Variants in SRPK2 observed in about 807,000 individuals in gnomAD.
SRPK2 encodes SRSF protein kinase 2, also known as SFRS protein kinase 2.
A neutral mutation model predicts 90.8 loss-of-function variants in SRPK2; 21 were observed. That is an observed-to-expected ratio of 0.23 (90% CI 0.16 to 0.33). SRPK2 has a LOEUF of 0.33. Ranked by LOEUF, SRPK2 falls within the 10% of genes least tolerant of loss-of-function variation. The pLI, the probability that SRPK2 is intolerant of heterozygous loss-of-function variation, is 1.00. For missense variants in SRPK2, 620 were observed against 869.0 expected, an observed-to-expected ratio of 0.71 and a Z score of 3.60; for synonymous variants, 288 against 311.1, an observed-to-expected ratio of 0.93 and a Z score of 0.78.
intron 2 of SRPK2, among the ~76,000 whole-genome samples, chr7:105,327,949 C>T (rs1813784096): frequency 6.6e-6 from 1 of 152,150 alleles, no homozygotes; most frequent in Non-Finnish European, 1.5e-5. Context: ...TACAAGAAGC[C>T]ACCACCACAG....
At chr7:105,143,827 AG>A (rs2129576957) in intron 9 of SRPK2, 1 of 153,722 alleles carries the variant, frequency 6.5e-6, no homozygotes, top group South Asian at 2.0e-4. Context: ...TATGCTGCAA[AG>A]GGAAAAAAGA....
intron 7 of SRPK2, among the ~76,000 whole-genome samples, chr7:105,150,345 C>T (rs1001201599): frequency 2.6e-5 from 4 of 152,086 alleles, no homozygotes; most frequent in African/African-American, 9.7e-5. Flanking sequence ...ATGGCGAAAC[C>T]CTGTCTCTAC....
chr7:105,237,212 A>T (rs1417941694), intron 2 of SRPK2, among the ~76,000 whole-genome samples: 2 of 152,254 alleles, frequency 1.3e-5, no homozygotes, highest in South Asian at 2.1e-4. Context: ...ACCATTCTGT[A>T]GGCTGCCAGA....
At chr7:105,286,235 A>G (rs530156157) in intron 2 of SRPK2, among the ~76,000 whole-genome samples, 1 of 152,304 alleles carries the variant, frequency 6.6e-6, no homozygotes, top group African/African-American at 2.4e-5. Context: ...TACATTCATA[A>G]TATTTGTAAA....
intron 2 of SRPK2, among the ~76,000 whole-genome samples, chr7:105,294,161 C>T (rs1809467650): frequency 6.6e-6 from 1 of 152,180 alleles, no homozygotes; most frequent in African/African-American, 2.4e-5. Context: ...CATAATCAGG[C>T]CCAATCCCCA....
intron 2 of SRPK2, among the ~76,000 whole-genome samples, chr7:105,243,368 T>C (rs189070189): frequency 2.6e-5 from 4 of 152,204 alleles, no homozygotes; most frequent in Admixed American, 2.6e-4. Context: ...GAGCCTGAGA[T>C]AGGATCAAAG....
chr7:105,177,789 G>A (rs1249218952), intron 3 of SRPK2, among the ~76,000 whole-genome samples: 2 of 152,126 alleles, frequency 1.3e-5, no homozygotes, highest in Non-Finnish European at 2.9e-5. Context: ...TTGGGAGGCC[G>A]AGACGGGCGG....
chr7:105,121,798 C>T (rs1800421832), intron 15 of SRPK2, among the ~76,000 whole-genome samples: 1 of 152,204 alleles, frequency 6.6e-6, no homozygotes, highest in Admixed American at 6.5e-5. Context: ...TATTATACTT[C>T]TCTTGAATCT....
chr7:105,345,172 A>AGGGAGGAGAGGAGAG (rs1816309138), intron 2 of SRPK2, among the ~76,000 whole-genome samples: 2 of 125,544 alleles, frequency 1.6e-5, no homozygotes, highest in Non-Finnish European at 3.3e-5. Flanking sequence ...GGGGAAGGCA[A>AGGGAGGAGAGGAGAG]GGGAGGAGAG....
chr7:105,310,460 T>C (rs1226478361), intron 2 of SRPK2, among the ~76,000 whole-genome samples: 2 of 152,038 alleles, frequency 1.3e-5, no homozygotes, highest in Admixed American at 1.3e-4. Flanking sequence ...CTGGGCAACA[T>C]GGCAAAACTC....
chr7:105,205,565 ACAC>A (rs1231176511), intron 2 of SRPK2, among the ~76,000 whole-genome samples: 1 of 117,132 alleles, frequency 8.5e-6, no homozygotes, highest in African/African-American at 3.3e-5. Flanking sequence ...ACACACACAC[ACAC>A]ACCACTTCCA....
At chr7:105,238,053 A>G (rs1051460845) in intron 2 of SRPK2, among the ~76,000 whole-genome samples, 7 of 152,050 alleles carry the variant, frequency 4.6e-5, no homozygotes, top group Non-Finnish European at 1.0e-4. Context: ...ACTATTCCAT[A>G]CTCCCCCAAC....
intron 6 of SRPK2, among the ~76,000 whole-genome samples, chr7:105,161,098 T>C (rs1807569717): frequency 6.6e-6 from 1 of 152,064 alleles, no homozygotes; most frequent in African/African-American, 2.4e-5. Context: ...GCTAATTTTT[T>C]GTAATTTTAG....
chr7:105,290,006 C>G (rs1433947415), intron 2 of SRPK2, among the ~76,000 whole-genome samples: 1 of 151,964 alleles, frequency 6.6e-6, no homozygotes, highest in East Asian at 1.9e-4. Flanking sequence ...GTCAGTGGAG[C>G]AGTCAGAACA....
At chr7:105,389,994 A>G (rs1053778079), upstream of SRPK2, among the ~76,000 whole-genome samples, 1 of 152,112 alleles carries the variant, frequency 6.6e-6, no homozygotes, top group Non-Finnish European at 1.5e-5. Flanking sequence ...CCCTATAGAA[A>G]AGTTACAAGG....
intron 7 of SRPK2, among the ~76,000 whole-genome samples, chr7:105,152,602 A>G (rs974559238): frequency 6.6e-6 from 1 of 152,248 alleles, no homozygotes; most frequent in Non-Finnish European, 1.5e-5. Context: ...GAAAAACAAA[A>G]ACACAAACCA....
intron 3 of SRPK2, among the ~76,000 whole-genome samples, chr7:105,196,174 A>G (rs906930011): frequency 2.0e-5 from 3 of 152,232 alleles, no homozygotes; most frequent in African/African-American, 7.2e-5. Flanking sequence ...TAATAGGTTC[A>G]AGAGCATCTA....
intron 2 of SRPK2, among the ~76,000 whole-genome samples, chr7:105,265,861 A>AT (rs34042895): frequency 0.14 from 20,903 of 151,956 alleles, 1,867 homozygotes; most frequent in East Asian, 0.26. Context: ...ATCATTAGGC[A>AT]TTTTTTTTAA....
chr7:105,292,321 A>G (rs1809145078), intron 2 of SRPK2, among the ~76,000 whole-genome samples: 1 of 152,124 alleles, frequency 6.6e-6, no homozygotes, highest in Admixed American at 6.5e-5. Context: ...CAGCCTGGCC[A>G]GCATGGCAAA....
Sources: allele counts gnomAD v4.1 joint callset (sites outside exome capture counted in the v4.1 genomes callset), GRCh38; gene constraint gnomAD v4.1.1; transcripts MANE v1.5; gene names NCBI Gene and HGNC (gene_info 2026-07-23, HGNC 2026-07-21).